C9: variants seen among roughly 807,000 people sequenced by gnomAD.
The protein encoded by C9 is complement C9.
A neutral mutation model predicts 65.4 loss-of-function variants in C9; 63 were observed. That is an observed-to-expected ratio of 0.96 (90% confidence interval 0.79 to 1.19). The LOEUF is 1.19. C9 is among the 50% of genes most tolerant of loss of function. The pLI, the probability that C9 is intolerant of heterozygous loss-of-function variation, is 0.00. For synonymous variants in C9, 229 were observed against 227.9 expected (o/e 1.00, Z -0.04); for missense variants, 744 against 670.1 (o/e 1.11, Z -1.22).
rs1424482533 is a variant in C9, at chr5:39,324,946, T to C, written c.615+6730A>G. Among the ~76,000 whole-genome samples, 7 of 152,290 alleles carry C rather than the reference T, an allele frequency of 4.6e-5. No homozygotes were observed. The East Asian group carries it at 1.4e-3, about 29-fold the overall frequency. On this transcript the variant is annotated intron_variant, in intron 5 of 10. Coordinates refer to ENST00000263408, the MANE Select transcript of C9 (RefSeq NM_001737.5). ...ATATTATAAGGGTCAGTTGAAGTTA[T>C]CCTGTTTAAGAATTTGTTCATATAA...
At chr5:39,356,398 A>T (rs961204864) in intron 1 of C9, among the ~76,000 whole-genome samples, 1 of 152,222 alleles carries the variant, frequency 6.6e-6, no homozygotes, top group East Asian at 1.9e-4. Flanking sequence ...TAACTTCTGC[A>T]TCTAATAGCC....
chr5:39,325,686 C>T (rs143757361), intron 5 of C9, among the ~76,000 whole-genome samples: 4,442 of 147,780 alleles, frequency 0.03, 197 homozygotes, highest in African/African-American at 0.1. Flanking sequence ...GCAGGAGAAT[C>T]GTTTAAACCC....
intron 4 of C9, among the ~76,000 whole-genome samples, chr5:39,336,465 A>G (rs1753967475): frequency 6.6e-6 from 1 of 152,168 alleles, no homozygotes; most frequent in Admixed American, 6.5e-5. Flanking sequence ...CTTTGACCAT[A>G]GGGTCTAAGT....
intron 5 of C9, among the ~76,000 whole-genome samples, chr5:39,321,411 C>T (rs1753665798): frequency 6.6e-6 from 1 of 151,762 alleles, no homozygotes; most frequent in Admixed American, 6.6e-5. Context: ...AAAGCAAACA[C>T]CTATAATAGA....
chr5:39,355,436 G>T (rs1212554492), intron 1 of C9, among the ~76,000 whole-genome samples: 1 of 145,142 alleles, frequency 6.9e-6, no homozygotes, highest in Non-Finnish European at 1.5e-5. Flanking sequence ...TTCCTTCTTA[G>T]CTTCTAACCC....
intron 9 of C9, among the ~76,000 whole-genome samples, chr5:39,298,917 A>G (rs1167491819): frequency 1.3e-5 from 2 of 151,892 alleles, no homozygotes; most frequent in Non-Finnish European, 2.9e-5. Flanking sequence ...ATCATTCACC[A>G]TAACAACTTA....
At chr5:39,328,764 T>C (rs753224904) in intron 5 of C9, among the ~76,000 whole-genome samples, 1 of 152,052 alleles carries the variant, frequency 6.6e-6, no homozygotes, top group African/African-American at 2.4e-5. Flanking sequence ...ACAACTGTGA[T>C]AAGATGAGAG....
chr5:39,341,696 C>T lies in C9; in HGVS notation c.188G>A (p.Arg63His), dbSNP rs780081408. The T allele has an allele frequency of 2.2e-5, 36 of 1,613,792 alleles. No homozygotes were observed. In the South Asian group the frequency reaches 2.3e-4, roughly 10 times the overall value. The change falls in exon 3 of 11, where the codon CGT becomes CAT. Residue 63 changes from arginine (R) to histidine (H), a missense_variant. Physicochemically the swap from Arg to His is conservative, Grantham distance 29. Transcript: ENST00000263408. ...TCCAAAGACCTCAATGCTTCTTGAA[C>T]GAAACTGCACAATATCAGTTGGAAT... ...QCDPCLRQMFRSRSIEVFGQF... is the reference protein window; with the variant it reads ...QCDPCLRQMFHSRSIEVFGQF...
At chr5:39,290,230 T>G (rs960731269) in intron 9 of C9, among the ~76,000 whole-genome samples, 4 of 151,998 alleles carry the variant, frequency 2.6e-5, no homozygotes, top group South Asian at 4.1e-4. Flanking sequence ...ATTGTGCAGC[T>G]TGATGATCAT....
At chr5:39,353,399 C>T (rs1355864038) in intron 1 of C9, among the ~76,000 whole-genome samples, 1 of 152,188 alleles carries the variant, frequency 6.6e-6, no homozygotes, top group African/African-American at 2.4e-5. Flanking sequence ...TTTCCTAATT[C>T]TCCAACTTTA....
chr5:39,334,836 A>T (rs1753931413), intron 4 of C9, among the ~76,000 whole-genome samples: 1 of 152,164 alleles, frequency 6.6e-6, no homozygotes, highest in Non-Finnish European at 1.5e-5. Flanking sequence ...GCTCATTGAG[A>T]ACGGGCCATG....
chr5:39,329,887 T>G (rs1362627886), intron 5 of C9, among the ~76,000 whole-genome samples: 1 of 152,188 alleles, frequency 6.6e-6, no homozygotes, highest in Non-Finnish European at 1.5e-5. Context: ...ATATTTCCCC[T>G]CATGTAAGTT....
At chr5:39,305,088 AT>A (rs907628792) in intron 9 of C9, among the ~76,000 whole-genome samples, 4 of 151,836 alleles carry the variant, frequency 2.6e-5, no homozygotes, top group Non-Finnish European at 5.9e-5. Flanking sequence ...TAAATCACCC[AT>A]TTTTTTTCTT....
chr5:39,344,761 G>A (rs1754157685), intron 1 of C9, among the ~76,000 whole-genome samples: 2 of 152,268 alleles, frequency 1.3e-5, no homozygotes, highest in South Asian at 2.1e-4. Flanking sequence ...AATGTTAAGG[G>A]CAGTCAGAGA....
chr5:39,308,726 G>A (rs1039082737), intron 7 of C9, among the ~76,000 whole-genome samples: 1 of 152,144 alleles, frequency 6.6e-6, no homozygotes, highest in Non-Finnish European at 1.5e-5. Context: ...CATTTTGTGT[G>A]CTTTAACTAA....
intron 9 of C9, among the ~76,000 whole-genome samples, chr5:39,301,587 ATTCTGCAATATTAC>A (rs1384898759): frequency 4.6e-5 from 7 of 152,226 alleles, no homozygotes; most frequent in South Asian, 2.1e-4. Context: ...TCTCTGTACT[ATTCTGCAATATTAC>A]TTCTGCAATA....
chr5:39,321,525 C>T (rs2111909091), intron 5 of C9, among the ~76,000 whole-genome samples: 1 of 151,890 alleles, frequency 6.6e-6, no homozygotes, highest in Admixed American at 6.6e-5. Context: ...AAAGAACATA[C>T]AAAACAACCA....
chr5:39,307,940 A>T (rs1425715547), intron 8 of C9, among the ~76,000 whole-genome samples: 1 of 152,136 alleles, frequency 6.6e-6, no homozygotes, highest in African/African-American at 2.4e-5. Context: ...GAAACTTTTT[A>T]TGAAGATACT....
At position 39,314,457 on chromosome 5, in the gene C9, A is replaced by ATAAATTAAAT. The variant is rs564121235; in HGVS notation, c.870+1308_870+1317dup. On this transcript the variant is annotated intron_variant, in intron 6 of 10. Coordinates refer to ENST00000263408, the MANE Select transcript of C9 (RefSeq NM_001737.5). ...AGAGCAAAAATCTATCTCAAAATAA[A>ATAAATTAAAT]TAAATTAAATTAAATTAAATTAAAT... is the stretch of plus-strand genomic sequence containing the variant. 3.4e-3 allele frequency among the ~76,000 whole-genome samples: 521 copies of ATAAATTAAAT among 152,112 alleles called. 4 individuals are homozygous for ATAAATTAAAT. Among genetic ancestry groups the ATAAATTAAAT allele is most frequent in the Middle Eastern group, 0.01 (3 of 294 alleles).
Sources: allele counts gnomAD v4.1 joint callset (sites outside exome capture counted in the v4.1 genomes callset), GRCh38; gene constraint gnomAD v4.1.1; transcripts MANE v1.5; gene names NCBI Gene and HGNC (gene_info 2026-07-23, HGNC 2026-07-21).